The following TSHZ3 variants were observed in gnomAD, a reference collection of about 807,000 sequenced individuals.
TSHZ3 encodes teashirt zinc finger homeobox 3.
A neutral mutation model predicts 64.5 loss-of-function variants in TSHZ3; 10 were observed. The ratio of observed to expected loss-of-function variants is 0.16; its 90% CI spans 0.10 to 0.26. TSHZ3 has a LOEUF of 0.26. Ranked by LOEUF, TSHZ3 falls within the 10% of genes least tolerant of loss-of-function variation. The pLI is 1.00. For missense variants in TSHZ3, 1,242 were observed against 1,421.7 expected (o/e 0.87, Z 2.03); for synonymous variants, 608 against 593.1 (o/e 1.03, Z -0.36).
At chr19:31,260,060 C>G (rs1460827947) in intron 1 of TSHZ3, among the ~76,000 whole-genome samples, 3 of 152,130 alleles carry the variant, frequency 2.0e-5, no homozygotes, top group African/African-American at 7.2e-5. Flanking sequence ...TGCTGATTGT[C>G]CAGGTTAATT....
chr19:31,267,655 T>C (rs917687827), intron 1 of TSHZ3, among the ~76,000 whole-genome samples: 9 of 152,110 alleles, frequency 5.9e-5, no homozygotes, highest in African/African-American at 1.7e-4. Flanking sequence ...CCATTTTTTT[T>C]TTCCTGGACT....
At chr19:31,299,908 G>C (rs1313542223) in intron 1 of TSHZ3, among the ~76,000 whole-genome samples, 1 of 152,210 alleles carries the variant, frequency 6.6e-6, no homozygotes, top group East Asian at 1.9e-4. Flanking sequence ...AAAGACACTT[G>C]TCAAATGCCT....
chr19:31,295,322 G>A (rs968785861), intron 1 of TSHZ3, among the ~76,000 whole-genome samples: 3 of 152,196 alleles, frequency 2.0e-5, no homozygotes, highest in African/African-American at 7.2e-5. Flanking sequence ...CCCATTAGAT[G>A]TGCATATGTA....
At position 31,210,289 on chromosome 19, in the gene TSHZ3, T is replaced by C. The variant is rs570070972; in HGVS notation, n.687-5211A>G. The stretch of plus-strand genomic sequence containing the variant: ...TCTTATAGTAATGTCACCAATGACA[T>C]AGGCTCAAAAGGGCTTTGCACCTGT... On this transcript the variant is annotated intron_variant and non_coding_transcript_variant, in intron 4 of 6. Transcript: ENST00000651361. 3.9e-5 allele frequency among the ~76,000 whole-genome samples: 6 copies of C among 152,250 alleles called. No individual in the cohort carries two copies. The East Asian group carries it at 9.7e-4, about 25-fold the overall frequency.
At chr19:31,332,922 A>G (rs1917134484) in intron 1 of TSHZ3, among the ~76,000 whole-genome samples, 1 of 151,938 alleles carries the variant, frequency 6.6e-6, no homozygotes, top group South Asian at 2.1e-4. Context: ...CCTAGGCAAC[A>G]TGGCAAAACC....
chr19:31,265,664 G>A (rs1976045544), intron 1 of TSHZ3, among the ~76,000 whole-genome samples: 1 of 152,084 alleles, frequency 6.6e-6, no homozygotes, highest in East Asian at 1.9e-4. Flanking sequence ...CTAAACATAT[G>A]GCTTGAACCT....
At chr19:31,342,993 T>C (rs117826101) in intron 1 of TSHZ3, among the ~76,000 whole-genome samples, 13 of 152,376 alleles carry the variant, frequency 8.5e-5, no homozygotes, top group African/African-American at 2.6e-4. Flanking sequence ...TAAGTTAGCA[T>C]CTGCCAGTGC....
upstream of TSHZ3, chr19:31,349,493 A>T: frequency 3.1e-6 from 1 of 324,514 alleles, no homozygotes; most frequent in Non-Finnish European, 5.5e-6. Flanking sequence ...GAGGAGGCAG[A>T]GGAGGAGGAG....
At chr19:31,284,806 G>A (rs1976426025) in intron 1 of TSHZ3, among the ~76,000 whole-genome samples, 2 of 152,178 alleles carry the variant, frequency 1.3e-5, no homozygotes, top group Non-Finnish European at 2.9e-5. Context: ...CCACACCCCA[G>A]TTATCAGCCG....
intron 1 of TSHZ3, 59 bp downstream of exon 1, chr19:31,349,121 C>G: frequency 6.6e-7 from 1 of 1,516,768 alleles, no homozygotes; most frequent in Non-Finnish European, 8.8e-7. Context: ...CCGCTGGAGG[C>G]GCGGGGCGAG....
In TSHZ3 at chr19:31,213,121, G is replaced by A. The variant is rs567861416; in HGVS notation, n.687-8043C>T. Among the ~76,000 whole-genome samples, 16 of 151,864 alleles carry A rather than the reference G, an allele frequency of 1.1e-4. No individual in the cohort carries two copies. In the South Asian group the frequency reaches 2.9e-3, roughly 28 times the overall value. On this transcript the variant is annotated intron_variant and non_coding_transcript_variant, in intron 4 of 6. Transcript: ENST00000651361. Reference sequence around the variant, plus strand: ...CTATAATCCTAGCACTTTGGGAGGCGGAGGCGGGTGGATTGCCTGAACTCA... The same window carrying A: ...CTATAATCCTAGCACTTTGGGAGGCAGAGGCGGGTGGATTGCCTGAACTCA...
chr19:31,264,795 T>C (rs1976026888), intron 1 of TSHZ3, among the ~76,000 whole-genome samples: 1 of 151,946 alleles, frequency 6.6e-6, no homozygotes, highest in Non-Finnish European at 1.5e-5. Context: ...TTGCAACCTG[T>C]GCCAGGTAAA....
chr19:31,186,631 C>A (rs1974814120), intron 5 of TSHZ3, among the ~76,000 whole-genome samples: 1 of 152,184 alleles, frequency 6.6e-6, no homozygotes, highest in South Asian at 2.1e-4. Context: ...AGTCAACTAT[C>A]AAACTGTTTT....
intron 5 of TSHZ3, among the ~76,000 whole-genome samples, chr19:31,157,185 G>C (rs1366482996): frequency 6.6e-6 from 1 of 152,106 alleles, no homozygotes; most frequent in Non-Finnish European, 1.5e-5. Context: ...TGTTCTAGTG[G>C]TGCTTGTAAT....
At chr19:31,162,813 C>G (rs572732002) in intron 5 of TSHZ3, among the ~76,000 whole-genome samples, 1 of 152,290 alleles carries the variant, frequency 6.6e-6, no homozygotes, top group South Asian at 2.1e-4. Flanking sequence ...CATGGCACAG[C>G]CAGGGGTGTC....
chr19:31,290,044 T>G (rs774703887), intron 1 of TSHZ3, among the ~76,000 whole-genome samples: 19 of 152,140 alleles, frequency 1.2e-4, no homozygotes, highest in Non-Finnish European at 2.5e-4. Flanking sequence ...CTTGCTATGA[T>G]GAAGCAAGGG....
At chr19:31,167,619 G>A (rs1599556631) in intron 5 of TSHZ3, 1 of 152,268 alleles carries the variant, frequency 6.6e-6, no homozygotes, top group African/African-American at 2.4e-5. Flanking sequence ...GAAGAAGGAA[G>A]GGAAGAAAAA....
chr19:31,189,306 T>C (rs1384092722), intron 5 of TSHZ3, among the ~76,000 whole-genome samples: 1 of 151,980 alleles, frequency 6.6e-6, no homozygotes, highest in African/African-American at 2.4e-5. Context: ...TTACTTAGTT[T>C]TTTTCTTATA....
At chr19:31,264,046 T>C (rs1010097831) in intron 1 of TSHZ3, among the ~76,000 whole-genome samples, 1 of 152,102 alleles carries the variant, frequency 6.6e-6, no homozygotes, top group African/African-American at 2.4e-5. Flanking sequence ...CCATGTAGAA[T>C]AGGTGCCAAT....
Sources: allele counts gnomAD v4.1 joint callset (sites outside exome capture counted in the v4.1 genomes callset), GRCh38; gene constraint gnomAD v4.1.1; transcripts MANE v1.5; gene names NCBI Gene and HGNC (gene_info 2026-07-23, HGNC 2026-07-21).